TTC12: variants seen among roughly 807,000 people sequenced by gnomAD.
TTC12 encodes tetratricopeptide repeat protein 12.
Under a neutral mutation model 90.1 loss-of-function variants are expected in TTC12, and 70 were observed. The observed-to-expected ratio is 0.78, with a 90% CI of 0.64 to 0.95. The LOEUF (loss-of-function observed/expected upper bound fraction) is 0.95, where lower values mean the gene tolerates loss of function less well. TTC12 is among the 40% of genes least tolerant of loss of function. The pLI is 0.00. For synonymous variants in TTC12, 296 were observed against 311.5 expected, an observed-to-expected ratio of 0.95 and a Z score of 0.53; for missense variants, 819 against 846.1, an observed-to-expected ratio of 0.97 and a Z score of 0.40.
intron 4 of TTC12, chr11:113,324,247 C>T (rs1325175472): frequency 3.6e-6 from 2 of 550,370 alleles, no homozygotes; most frequent in Non-Finnish European, 6.4e-6. Context: ...TATTCTGTAT[C>T]ATCCAATTTA....
chr11:113,327,448 G>A (rs1248504378), intron 6 of TTC12, among the ~76,000 whole-genome samples: 1 of 152,158 alleles, frequency 6.6e-6, no homozygotes, highest in African/African-American at 2.4e-5. Context: ...TTGCTTGCTA[G>A]AGAGAAAACC....
rs371756333 is a variant in TTC12, at chr11:113,351,323, C to G, written c.1308+24C>G. 1.9e-6 allele frequency: 3 copies of G among 1,606,574 alleles called. No individual in the cohort carries two copies. In the African/African-American group the frequency reaches 4.0e-5, roughly 21 times the overall value. The stretch of plus-strand genomic sequence containing the variant: ...TGGTGAGCAAACTGTCATTTTCATC[C>G]TCTGTAACAGACACTCTCAGGAGCG... On this transcript the variant is annotated intron_variant, in intron 15 of 21. Transcript: ENST00000529221.
At chr11:113,342,457 G>A (rs1161354998) in intron 12 of TTC12, among the ~76,000 whole-genome samples, 1 of 151,986 alleles carries the variant, frequency 6.6e-6, no homozygotes, top group Non-Finnish European at 1.5e-5. Flanking sequence ...AATCACTTTT[G>A]TAACTTCAAC....
At chr11:113,319,076 G>A (rs1302347680) in intron 2 of TTC12, among the ~76,000 whole-genome samples, 2 of 152,116 alleles carry the variant, frequency 1.3e-5, no homozygotes, top group Non-Finnish European at 2.9e-5. Context: ...CAGTGGAAAA[G>A]GTTGGCAAAC....
intron 7 of TTC12, among the ~76,000 whole-genome samples, chr11:113,334,430 T>C (rs1948232301): frequency 6.7e-6 from 1 of 148,258 alleles, no homozygotes. Context: ...TTGTGGTTTA[T>C]TTGGGAGGAG....
downstream of TTC12, among the ~76,000 whole-genome samples, chr11:113,367,468 A>G (rs1466227122): frequency 6.6e-6 from 1 of 152,220 alleles, no homozygotes; most frequent in Non-Finnish European, 1.5e-5. Flanking sequence ...ACCAGACTCT[A>G]TCTTGAGATT....
At chr11:113,335,298 G>A (rs1948302122) in intron 8 of TTC12, among the ~76,000 whole-genome samples, 1 of 152,108 alleles carries the variant, frequency 6.6e-6, no homozygotes, top group African/African-American at 2.4e-5. Flanking sequence ...TGAGCAAAAA[G>A]AGAAAACAAA....
At chr11:113,318,199 T>G (rs958856102) in intron 2 of TTC12, among the ~76,000 whole-genome samples, 3 of 152,190 alleles carry the variant, frequency 2.0e-5, no homozygotes, top group Admixed American at 2.0e-4. Context: ...AGAAAACAGA[T>G]ATTAAACAGT....
chr11:113,349,404 C>T (rs193199985), intron 13 of TTC12, among the ~76,000 whole-genome samples: 3 of 152,320 alleles, frequency 2.0e-5, no homozygotes, highest in African/African-American at 7.2e-5. Flanking sequence ...ACTCTTACTT[C>T]CATTGTCATG....
chr11:113,321,156 A>G lies in TTC12; in HGVS notation c.59-2132A>G, dbSNP rs536796245. 5.9e-5 allele frequency among the ~76,000 whole-genome samples: 9 copies of G among 152,362 alleles called. No individual in the cohort carries two copies. The South Asian group carries it at 1.7e-3, about 28-fold the overall frequency. ...AATCAATAAGAAGATGCTCAATTCC[A>G]ATCAAATTCAGCGAAATGCAAATTA... On this transcript the variant is annotated intron_variant, in intron 2 of 21. Coordinates refer to ENST00000529221, the MANE Select transcript of TTC12 (RefSeq NM_017868.4).
At chr11:113,322,922 C>T (rs1947430179) in intron 2 of TTC12, among the ~76,000 whole-genome samples, 1 of 151,992 alleles carries the variant, frequency 6.6e-6, no homozygotes, top group Admixed American at 6.6e-5. Context: ...TGTTTGTCTC[C>T]CACACAAGTT....
chr11:113,343,838 C>G (rs1430533644), intron 12 of TTC12, among the ~76,000 whole-genome samples: 1 of 152,206 alleles, frequency 6.6e-6, no homozygotes, highest in Non-Finnish European at 1.5e-5. Context: ...GATGACTACT[C>G]TAGCCGTTGT....
chr11:113,316,867 A>G (rs150822513), intron 2 of TTC12, among the ~76,000 whole-genome samples: 5 of 152,376 alleles, frequency 3.3e-5, no homozygotes, highest in African/African-American at 7.2e-5. Flanking sequence ...CACAGATCAC[A>G]TTCAGGAATT....
chr11:113,368,398 T>G (rs1175029982), downstream of TTC12: 24 of 1,548,486 alleles, frequency 1.5e-5, no homozygotes, highest in Non-Finnish European at 2.1e-5. Context: ...GCGCCATCTT[T>G]CAGAAGGCCT....
At chr11:113,325,739 G>A (rs1425841048) in intron 6 of TTC12, 94 bp downstream of exon 6, 4 of 1,521,092 alleles carry the variant, frequency 2.6e-6, no homozygotes, top group African/African-American at 1.4e-5. Flanking sequence ...GTTGGGCTGG[G>A]AAATGTTTAT....
downstream of TTC12, among the ~76,000 whole-genome samples, chr11:113,370,619 C>T (rs1437192078): frequency 6.6e-6 from 1 of 152,240 alleles, no homozygotes; most frequent in Non-Finnish European, 1.5e-5. Context: ...TGCCCTGGGG[C>T]TGGATCAGGC....
chr11:113,335,124 C>A lies in TTC12; in HGVS notation c.576+87C>A. Reference sequence around the variant, plus strand: ...TAGAGGAGAACCATGATTCTCCAAGCTGATTAGGTATTAATCCATCCTTTA... The same window carrying A: ...TAGAGGAGAACCATGATTCTCCAAGATGATTAGGTATTAATCCATCCTTTA... On this transcript the variant is annotated intron_variant, in intron 8 of 21. Transcript: ENST00000529221. 5.1e-6 allele frequency: 5 copies of A among 979,414 alleles called. No homozygotes were observed. The Admixed American group carries it at 5.4e-5, about 11-fold the overall frequency. The allele number at this position is 979,414 out of a possible 1,614,324, so 60.7% of individuals were successfully genotyped here. A position where few individuals can be genotyped will look rare whatever the true frequency, so the allele number is the denominator to read the frequency against.
At position 113,366,258 on chromosome 11, in the gene TTC12, A is replaced by G. The variant is rs1950205870; in HGVS notation, c.2076A>G (p.Leu692=). The G allele has an allele frequency of 6.2e-7, 1 of 1,613,822 alleles. No individual in the cohort carries two copies. The highest frequency in any genetic ancestry group is 8.5e-7 in the Non-Finnish European group (1 of 1,180,046). Residue 692 remains leucine, a synonymous_variant, in exon 22 of 22, where the codon CTA becomes CTG. Transcript: ENST00000529221. Reference sequence around the variant, plus strand: ...CTCAACTGAGAAAGCTTCATGGCCTAGAAATTCTCAACTCTACGATGAAAT... The same window carrying G: ...CTCAACTGAGAAAGCTTCATGGCCTGGAAATTCTCAACTCTACGATGAAAT... The part of the protein sequence containing the change: ...FAAQLRKLHG[L]EILNSTMKYI...
At chr11:113,341,765 TA>T in intron 11 of TTC12, 71 bp from the exon 12 acceptor site, 3 of 1,262,642 alleles carry the variant, frequency 2.4e-6, no homozygotes, top group Non-Finnish European at 3.5e-6. Context: ...AGGGGTGAAA[TA>T]AAACCAAATG....
Sources: gnomAD v4.1 joint callset for allele counts (sites outside exome capture counted in the v4.1 genomes callset) on GRCh38, gnomAD v4.1.1 for gene constraint, MANE v1.5 for transcripts, NCBI Gene and HGNC (gene_info 2026-07-23, HGNC 2026-07-21) for gene names.